Variants in FAM78B observed in about 807,000 individuals in gnomAD.
FAM78B encodes the protein protein FAM78B.
A neutral mutation model predicts 20.0 loss-of-function variants in FAM78B; 10 were observed. The ratio of observed to expected loss-of-function variants is 0.50; its 90% CI spans 0.31 to 0.85. The LOEUF (loss-of-function observed/expected upper bound fraction) is 0.85. Among genes scored for constraint, FAM78B ranks in the 40% least tolerant of loss-of-function variants. The pLI is 0.05. For missense variants in FAM78B, 283 were observed against 345.0 expected, an observed-to-expected ratio of 0.82 and a Z score of 1.42; for synonymous variants, 135 against 132.8, an observed-to-expected ratio of 1.02 and a Z score of -0.12.
In FAM78B at chr1:166,135,289, T is replaced by C. The variant is rs568150771; in HGVS notation, c.263+30697A>G. 1.4e-3 allele frequency among the ~76,000 whole-genome samples: 208 copies of C among 152,212 alleles called. 1 individual carries two copies. Among genetic ancestry groups the C allele is most frequent in the Non-Finnish European group, 2.2e-3 (149 of 68,046 alleles). On this transcript the variant is annotated intron_variant, in intron 1 of 1. Coordinates refer to ENST00000354422, the MANE Select transcript of FAM78B (RefSeq NM_001017961.5). ...ACTATAAAGTATAACAGCAATGACA[T>C]CTTGAAAGCACATTCTTTTGTTTTC...
chr1:166,109,656 T>C lies in FAM78B; in HGVS notation c.264-38893A>G, dbSNP rs570221079. 1.3e-4 allele frequency among the ~76,000 whole-genome samples: 20 copies of C among 151,034 alleles called. No individual in the cohort carries two copies. In the East Asian group the frequency reaches 2.0e-3, roughly 15 times the overall value. On this transcript the variant is annotated intron_variant, in intron 1 of 1. Transcript: ENST00000354422. The stretch of plus-strand genomic sequence containing the variant: ...ACCATTTGATCCACCAGTCACACTA[T>C]TGAGTATCTACCCAGAGGAAAAGAG...
chr1:166,155,512 G>A (rs1055004679), intron 1 of FAM78B, among the ~76,000 whole-genome samples: 6 of 152,128 alleles, frequency 3.9e-5, no homozygotes, highest in Non-Finnish European at 5.9e-5. Context: ...GGAGACAGAC[G>A]AGCACATAGC....
At chr1:166,122,158 G>A (rs1335958102) in intron 1 of FAM78B, among the ~76,000 whole-genome samples, 1 of 152,184 alleles carries the variant, frequency 6.6e-6, no homozygotes, top group Non-Finnish European at 1.5e-5. Flanking sequence ...GCCTTAGCCA[G>A]GATAAGGAAT....
rs4639733 is a variant in FAM78B, at chr1:166,069,730, A to C, written c.*511T>G. On this transcript the variant is annotated 3_prime_UTR_variant, in exon 2 of 2. Transcript: ENST00000354422. Reference sequence around the variant, plus strand: ...TCAACTAATAAATGCAGAAGTATTAATGTGTCATAAAACCTTATTCTTTCC... The same window carrying C: ...TCAACTAATAAATGCAGAAGTATTACTGTGTCATAAAACCTTATTCTTTCC... 6.6e-6 allele frequency: 1 copy of C among 152,506 alleles called. No individual in the cohort carries two copies. The highest frequency in any genetic ancestry group is 1.5e-5 in the Non-Finnish European group (1 of 68,398). The allele number at this position is 152,506 out of a possible 1,614,324, so 9.4% of individuals were successfully genotyped here.
At chr1:166,078,170 T>TAC (rs1363849271) in intron 1 of FAM78B, among the ~76,000 whole-genome samples, 3 of 151,742 alleles carry the variant, frequency 2.0e-5, no homozygotes, top group Non-Finnish European at 2.9e-5. Context: ...TAGCTGGGAC[T>TAC]ACAGGCATGT....
chr1:166,058,638 G>C (rs1651451073), exon 3 of FAM78B: 1 of 152,062 alleles, frequency 6.6e-6, no homozygotes, highest in African/African-American at 2.4e-5. Context: ...ACTCCATCAA[G>C]TGAAAGATAA....
intron 1 of FAM78B, among the ~76,000 whole-genome samples, chr1:166,136,400 T>C (rs1655064540): frequency 6.6e-6 from 1 of 152,132 alleles, no homozygotes; most frequent in Non-Finnish European, 1.5e-5. Flanking sequence ...AGCTGACTTC[T>C]AGCTGTGTGC....
At chr1:166,072,571 A>G (rs1022378545) in intron 1 of FAM78B, among the ~76,000 whole-genome samples, 5 of 152,294 alleles carry the variant, frequency 3.3e-5, no homozygotes, top group Admixed American at 2.0e-4. Context: ...CAGAGATCCA[A>G]TCTGCTCATT....
intron 2 of FAM78B, among the ~76,000 whole-genome samples, chr1:166,061,626 G>C (rs376872345): frequency 1.3e-5 from 2 of 152,166 alleles, no homozygotes; most frequent in African/African-American, 4.8e-5. Context: ...ATATATAATT[G>C]GGGACGTAAC....
chr1:166,114,783 A>G (rs1654195437), intron 1 of FAM78B, among the ~76,000 whole-genome samples: 1 of 152,194 alleles, frequency 6.6e-6, no homozygotes, highest in Non-Finnish European at 1.5e-5. Flanking sequence ...AGAGACAACA[A>G]TATAGCATAT....
At chr1:166,060,351 A>G (rs1375129123) in exon 3 of FAM78B, 1 of 347,500 alleles carries the variant, frequency 2.9e-6, no homozygotes, top group Non-Finnish European at 5.7e-6. Context: ...TTGGGATCTG[A>G]ATGAACCCCA....
At chr1:166,108,672 T>C (rs1024805745) in intron 1 of FAM78B, among the ~76,000 whole-genome samples, 1 of 152,034 alleles carries the variant, frequency 6.6e-6, no homozygotes, top group Admixed American at 6.5e-5. Context: ...CTAAAATTCA[T>C]ACGGAAACAA....
At chr1:166,097,533 T>C (rs1653334031) in intron 1 of FAM78B, among the ~76,000 whole-genome samples, 1 of 151,308 alleles carries the variant, frequency 6.6e-6, no homozygotes, top group South Asian at 2.1e-4. Context: ...ATGGTGGGAG[T>C]GAGACCAGCC....
exon 3 of FAM78B, chr1:166,060,067 C>T (rs1651523061): frequency 6.2e-6 from 1 of 162,336 alleles, no homozygotes; most frequent in Non-Finnish European, 1.4e-5. Flanking sequence ...CCCCTGGTCA[C>T]CTGAAGGCAC....
chr1:166,153,385 C>A (rs1005726793), intron 1 of FAM78B, among the ~76,000 whole-genome samples: 2 of 152,304 alleles, frequency 1.3e-5, no homozygotes, highest in Admixed American at 6.5e-5. Context: ...AGAAACCAAG[C>A]CGGTAGAACT....
At chr1:166,109,890 G>GTATGTATATATATATA (rs1433152486) in intron 1 of FAM78B, among the ~76,000 whole-genome samples, 5 of 23,196 alleles carry the variant, frequency 2.2e-4, no homozygotes, top group Admixed American at 6.8e-4. Flanking sequence ...ATGTATATAT[G>GTATGTATATATATATA]TATATATATA....
At chr1:166,080,393 C>G (rs1459075608) in intron 1 of FAM78B, among the ~76,000 whole-genome samples, 1 of 152,182 alleles carries the variant, frequency 6.6e-6, no homozygotes, top group Non-Finnish European at 1.5e-5. Context: ...ACAGGCACAG[C>G]AGGGGATCTC....
intron 1 of FAM78B, among the ~76,000 whole-genome samples, chr1:166,163,948 T>A (rs969653154): frequency 1.3e-5 from 2 of 152,162 alleles, no homozygotes; most frequent in Non-Finnish European, 2.9e-5. Context: ...AATGCAAGGA[T>A]TCAGTGGGGA....
chr1:166,085,385 C>T lies in FAM78B; in HGVS notation c.264-14622G>A, dbSNP rs527870751. Among the ~76,000 whole-genome samples, 13 of 152,276 alleles carry T rather than the reference C, an allele frequency of 8.5e-5. No homozygotes were observed. In the South Asian group the frequency reaches 1.5e-3, roughly 17 times the overall value. ...GGACCTAAAGCTGATGTGCTAGCTT[C>T]GGAGGGTGGGGTCAGAACTCAAGAT... On this transcript the variant is annotated intron_variant, in intron 1 of 1. Transcript: ENST00000354422.
Sources: gnomAD v4.1 joint callset for allele counts (sites outside exome capture counted in the v4.1 genomes callset) on GRCh38, gnomAD v4.1.1 for gene constraint, MANE v1.5 for transcripts, NCBI Gene and HGNC (gene_info 2026-07-23, HGNC 2026-07-21) for gene names.